The following UNC79 variants were observed in gnomAD, a reference collection of about 807,000 sequenced individuals.
UNC79 encodes the protein unc-79 subunit of NALCN channel complex.
UNC79 carries 37 observed loss-of-function variants against 283.1 expected under a neutral mutation model. That is an observed-to-expected ratio of 0.13 (90% CI 0.10 to 0.17). The LOEUF is 0.17. Ranked by LOEUF, UNC79 falls within the 10% of genes least tolerant of loss-of-function variation. UNC79 has a pLI of 1.00. For missense variants in UNC79, 2,272 were observed against 3,211.1 expected (o/e 0.71, Z 7.07); for synonymous variants, 1,107 against 1,200.2 (o/e 0.92, Z 1.61).
intron 23 of UNC79, among the ~76,000 whole-genome samples, chr14:93,595,250 C>T (rs933145475): frequency 3.3e-5 from 5 of 151,810 alleles, no homozygotes; most frequent in Admixed American, 6.6e-5. Context: ...CCACCACACC[C>T]GGCTAATTTT....
intron 4 of UNC79, among the ~76,000 whole-genome samples, chr14:93,478,239 A>G (rs1288404502): frequency 6.6e-6 from 1 of 152,200 alleles, no homozygotes; most frequent in East Asian, 1.9e-4. Context: ...TATCGTGATG[A>G]TAAAGTGACT....
intron 30 of UNC79, among the ~76,000 whole-genome samples, chr14:93,626,949 T>A (rs1596133521): frequency 6.6e-6 from 1 of 152,312 alleles, no homozygotes; most frequent in Admixed American, 6.5e-5. Flanking sequence ...CTTGGAGTGC[T>A]GAAGCAGGAG....
At chr14:93,643,435 C>A in intron 33 of UNC79, 122 bp from the exon 37 acceptor site, 1 of 1,360,120 alleles carries the variant, frequency 7.4e-7, no homozygotes, top group Non-Finnish European at 1.0e-6. Flanking sequence ...CAGAGTGGGG[C>A]TCCTGATCTC....
At chr14:93,473,986 A>G in intron 2 of UNC79, 103 bp from the exon 3 acceptor site, 2 of 1,352,588 alleles carry the variant, frequency 1.5e-6, no homozygotes, top group Non-Finnish European at 2.0e-6. Context: ...TCTTATGTGG[A>G]ATGTATCTGG....
intron 7 of UNC79, among the ~76,000 whole-genome samples, chr14:93,498,347 G>C (rs181216700): frequency 6.6e-6 from 1 of 151,930 alleles, no homozygotes; most frequent in Non-Finnish European, 1.5e-5. Context: ...CCAGCAGTTC[G>C]GGAGGCCTAG....
intron 26 of UNC79, among the ~76,000 whole-genome samples, chr14:93,605,869 T>C (rs1325723207): frequency 6.6e-6 from 1 of 152,128 alleles, no homozygotes; most frequent in Non-Finnish European, 1.5e-5. Flanking sequence ...GGCCAAAGTC[T>C]TTTCTCTTTT....
intron 11 of UNC79, among the ~76,000 whole-genome samples, chr14:93,533,040 GC>G (rs2060902945): frequency 6.6e-6 from 1 of 152,006 alleles, no homozygotes; most frequent in African/African-American, 2.4e-5. Flanking sequence ...AATACATGTA[GC>G]TAAAGATTCT....
At chr14:93,442,123 C>G (rs545808444) in intron 1 of UNC79, among the ~76,000 whole-genome samples, 1 of 150,852 alleles carries the variant, frequency 6.6e-6, no homozygotes, top group East Asian at 1.9e-4. Context: ...GTGGCTTAGT[C>G]TTTTTTTTTA....
chr14:93,557,222 A>C (rs148546912), intron 14 of UNC79, among the ~76,000 whole-genome samples: 8 of 152,346 alleles, frequency 5.3e-5, no homozygotes, highest in African/African-American at 1.9e-4. Context: ...GTGTGAATAC[A>C]TCAAACCATA....
chr14:93,582,177 C>T (rs564608195), intron 19 of UNC79, 26 bp from the exon 20 acceptor site: 5 of 1,614,038 alleles, frequency 3.1e-6, no homozygotes, highest in Admixed American at 3.3e-5. Flanking sequence ...GGCTGCTTAC[C>T]TGGCTGCCTG....
At chr14:93,404,728 A>T in intron 1 of UNC79, among the ~76,000 whole-genome samples, 1 of 151,252 alleles carries the variant, frequency 6.6e-6, no homozygotes, top group Non-Finnish European at 1.5e-5. Context: ...CAGAATAAAC[A>T]TAAAAAGATT....
chr14:93,612,711 G>C lies in UNC79; in HGVS notation c.3755-86G>C, dbSNP rs1192419781. The C allele has an allele frequency of 6.6e-6, 10 of 1,512,836 alleles. No individual in the cohort carries two copies. The East Asian group carries it at 6.8e-5, about 10-fold the overall frequency. 93.7% of individuals were successfully genotyped at this position (1,512,836 alleles called of 1,614,324 possible). A position where few individuals can be genotyped will look rare whatever the true frequency, so the allele number is the denominator to read the frequency against. ...AAAATTTTGTAGACGCAGAAACAAG[G>C]GTGCCTTATCAATATCTAAGAGAGA... is the stretch of plus-strand genomic sequence containing the variant. On this transcript the variant is annotated intron_variant, in intron 26 of 48. Transcript: ENST00000555664.
intron 1 of UNC79, among the ~76,000 whole-genome samples, chr14:93,362,357 G>T (rs748664803): frequency 3.8e-4 from 57 of 150,884 alleles, no homozygotes; most frequent in Non-Finnish European, 6.4e-4. Context: ...ACTGATTAAG[G>T]TTTTTTTTTG....
rs547682058 is a variant in UNC79, at chr14:93,597,304, T to C, written c.3191-55T>C. On this transcript the variant is annotated intron_variant, in intron 23 of 48. Transcript: ENST00000555664. ...GACTGGCTAAATAAATGTGTATGCG[T>C]GTGCCTGTAGGTGTGTGTGTATTTA... 8.3e-6 allele frequency: 13 copies of C among 1,564,370 alleles called. No homozygotes were observed. In the East Asian group the frequency reaches 2.9e-4, roughly 35 times the overall value.
chr14:93,597,775 C>T (rs141147821), intron 24 of UNC79, among the ~76,000 whole-genome samples: 40 of 152,312 alleles, frequency 2.6e-4, no homozygotes, highest in Non-Finnish European at 2.8e-4. Flanking sequence ...GCACTAGTTC[C>T]ATTCATTAGG....
chr14:93,384,492 A>G (rs1405671077), intron 1 of UNC79, among the ~76,000 whole-genome samples: 1 of 152,146 alleles, frequency 6.6e-6, no homozygotes, highest in Non-Finnish European at 1.5e-5. Context: ...TACCATTTGT[A>G]TGTTTTCTTT....
chr14:93,567,467 T>C (rs527496869), intron 14 of UNC79, among the ~76,000 whole-genome samples: 35 of 152,298 alleles, frequency 2.3e-4, no homozygotes, highest in Non-Finnish European at 4.0e-4. Context: ...CCTCAGGTGA[T>C]CCACCCATCT....
intron 1 of UNC79, among the ~76,000 whole-genome samples, chr14:93,415,236 T>A (rs2055427375): frequency 6.6e-6 from 1 of 152,240 alleles, no homozygotes; most frequent in South Asian, 2.1e-4. Flanking sequence ...GAAGGGTTGT[T>A]GAATTTTGTC....
chr14:93,587,369 C>T (rs2064295624), intron 22 of UNC79, among the ~76,000 whole-genome samples: 2 of 151,960 alleles, frequency 1.3e-5, no homozygotes. Context: ...AAAACGTTAC[C>T]CTAGATTTAC....
Sources: allele counts gnomAD v4.1 joint callset (sites outside exome capture counted in the v4.1 genomes callset), GRCh38; gene constraint gnomAD v4.1.1; transcripts MANE v1.5; gene names NCBI Gene and HGNC (gene_info 2026-07-23, HGNC 2026-07-21).